Variants in SGCD observed in about 807,000 individuals in gnomAD.
SGCD encodes the protein sarcoglycan delta.
SGCD carries 18 observed loss-of-function variants against 36.6 expected under a neutral mutation model. The observed-to-expected ratio is 0.49, with a 90% CI of 0.34 to 0.73. SGCD has a LOEUF of 0.73. SGCD is among the 30% of genes least tolerant of loss of function. The pLI, the probability that SGCD is intolerant of heterozygous loss-of-function variation, is 0.01. For synonymous variants in SGCD, 133 were observed against 130.6 expected (o/e 1.02, Z -0.12); for missense variants, 387 against 346.7 (o/e 1.12, Z -0.92).
intron 6 of SGCD, among the ~76,000 whole-genome samples, chr5:156,627,421 G>A (rs970695440): frequency 6.6e-6 from 1 of 152,100 alleles, no homozygotes; most frequent in East Asian, 1.9e-4. Context: ...ATACTTACTA[G>A]CTTACTCTTC....
intron 3 of SGCD, among the ~76,000 whole-genome samples, chr5:156,420,718 T>C (rs980898443): frequency 3.9e-5 from 6 of 152,188 alleles, no homozygotes; most frequent in Admixed American, 3.3e-4. Context: ...TTCTTTACTG[T>C]GTAATTGCTA....
chr5:156,657,250 T>TTTA (rs1160468714), intron 7 of SGCD, among the ~76,000 whole-genome samples: 1 of 151,948 alleles, frequency 6.6e-6, no homozygotes, highest in Non-Finnish European at 1.5e-5. Flanking sequence ...TTTATTTTAT[T>TTTA]TTATTATTAT....
At chr5:155,884,701 G>A (rs1284567811) in intron 1 of SGCD, among the ~76,000 whole-genome samples, 1 of 152,184 alleles carries the variant, frequency 6.6e-6, no homozygotes, top group African/African-American at 2.4e-5. Flanking sequence ...ATTTGAGTTT[G>A]AAACTTCATT....
chr5:156,204,246 G>A (rs750904680), intron 3 of SGCD, among the ~76,000 whole-genome samples: 9 of 152,074 alleles, frequency 5.9e-5, no homozygotes, highest in Middle Eastern at 3.4e-3. Flanking sequence ...CTTATGGGGT[G>A]GCCAGCACAG....
chr5:155,999,699 C>A (rs1758625045), intron 1 of SGCD, among the ~76,000 whole-genome samples: 1 of 152,180 alleles, frequency 6.6e-6, no homozygotes. Context: ...TTGGCAGAGA[C>A]AGATATGTTT....
intron 3 of SGCD, among the ~76,000 whole-genome samples, chr5:156,251,147 A>G (rs1439869397): frequency 6.6e-6 from 1 of 152,242 alleles, no homozygotes; most frequent in African/African-American, 2.4e-5. Context: ...TAAAAAAGCA[A>G]CCAAATACCA....
At chr5:156,430,843 C>T (rs1752975608) in intron 3 of SGCD, among the ~76,000 whole-genome samples, 1 of 152,116 alleles carries the variant, frequency 6.6e-6, no homozygotes, top group African/African-American at 2.4e-5. Flanking sequence ...GGAGAGTTCA[C>T]TGTCTTCTTT....
At chr5:156,113,231 A>AT (rs1299300424) in intron 1 of SGCD, among the ~76,000 whole-genome samples, 1 of 152,078 alleles carries the variant, frequency 6.6e-6, no homozygotes, top group African/African-American at 2.4e-5. Flanking sequence ...AAAAATACTT[A>AT]TTTTTCAAAC....
intron 7 of SGCD, among the ~76,000 whole-genome samples, chr5:156,751,531 G>A (rs1420699991): frequency 4.0e-5 from 6 of 151,830 alleles, no homozygotes; most frequent in Non-Finnish European, 7.4e-5. Flanking sequence ...ACCACAAACG[G>A]AAAGAAGAAA....
At chr5:156,737,082 T>C (rs1283448690) in intron 7 of SGCD, among the ~76,000 whole-genome samples, 6 of 152,218 alleles carry the variant, frequency 3.9e-5, no homozygotes, top group African/African-American at 1.2e-4. Context: ...TTGTATCCAA[T>C]AGATAACCAT....
chr5:155,901,689 G>A (rs561938143), intron 1 of SGCD, among the ~76,000 whole-genome samples: 188 of 152,296 alleles, frequency 1.2e-3, no homozygotes, highest in African/African-American at 3.2e-3. Context: ...ATATCTGAAA[G>A]CTTCTGGAAT....
At chr5:155,855,048 A>G in the SGCD span, among the ~76,000 whole-genome samples, 1 of 152,160 alleles carries the variant, frequency 6.6e-6, no homozygotes. Flanking sequence ...TCTTCCCACC[A>G]CTTTCGGTTC....
intron 3 of SGCD, among the ~76,000 whole-genome samples, chr5:156,365,356 G>GGTTTAGAAAATTAATGTA (rs1408720744): frequency 2.0e-5 from 3 of 152,134 alleles, no homozygotes; most frequent in African/African-American, 7.2e-5. Context: ...GAACCTTCAA[G>GGTTTAGAAAATTAATGTA]GTTTAGGAAA....
rs148208898 is a variant in SGCD at position 156,196,870 on chromosome 5, C to T, written c.-44+72851C>T. 7.2e-5 allele frequency among the ~76,000 whole-genome samples: 11 copies of T among 152,250 alleles called. No homozygotes were observed. In the East Asian group the frequency reaches 1.5e-3, roughly 21 times the overall value. The stretch of plus-strand genomic sequence containing the variant: ...GGCCAGAATTGTTTCTTGTACTTAA[C>T]GCATCCATACACTTTACATTTATCA... On this transcript the variant is annotated intron_variant, in intron 3 of 9. Coordinates refer to the SGCD transcript ENST00000517913.
At chr5:155,913,674 T>C (rs992118439) in intron 1 of SGCD, among the ~76,000 whole-genome samples, 1 of 152,204 alleles carries the variant, frequency 6.6e-6, no homozygotes, top group Admixed American at 6.5e-5. Context: ...CATTCTCTTC[T>C]TCAGACCATG....
chr5:156,108,517 ATAT>A, intron 1 of SGCD, among the ~76,000 whole-genome samples: 1 of 152,268 alleles, frequency 6.6e-6, no homozygotes, highest in Non-Finnish European at 1.5e-5. Context: ...TCTGTTATAC[ATAT>A]TAATAATGAA....
intron 6 of SGCD, among the ~76,000 whole-genome samples, chr5:156,598,818 C>G (rs930458004): frequency 3.8e-4 from 58 of 152,200 alleles, no homozygotes; most frequent in African/African-American, 1.3e-3. Context: ...TACCCTACCC[C>G]ACCCCCACAT....
At chr5:156,248,631 C>G (rs1016268244) in intron 3 of SGCD, among the ~76,000 whole-genome samples, 2 of 152,116 alleles carry the variant, frequency 1.3e-5, no homozygotes, top group Admixed American at 1.3e-4. Flanking sequence ...CGCTGGGCTT[C>G]GTAGGATAAT....
intron 3 of SGCD, among the ~76,000 whole-genome samples, chr5:156,228,137 T>G (rs1056426804): frequency 6.6e-6 from 1 of 152,150 alleles, no homozygotes; most frequent in Non-Finnish European, 1.5e-5. Flanking sequence ...ATGAAAATGT[T>G]CCGTATGTAT....
Sources: gnomAD v4.1 joint callset for allele counts (sites outside exome capture counted in the v4.1 genomes callset) on GRCh38, gnomAD v4.1.1 for gene constraint, MANE v1.5 for transcripts, NCBI Gene and HGNC (gene_info 2026-07-23, HGNC 2026-07-21) for gene names.